The following HECW2 variants were observed in gnomAD, a reference collection of about 807,000 sequenced individuals.
HECW2 encodes E3 ubiquitin-protein ligase HECW2.
In HECW2, 61 loss-of-function variants were observed where a neutral mutation model predicts 175.2. The observed-to-expected ratio is 0.35, with a 90% CI of 0.28 to 0.43. HECW2 has a LOEUF of 0.43. Ranked by LOEUF, HECW2 falls within the 20% of genes least tolerant of loss-of-function variation. HECW2 has a pLI of 1.00. For synonymous variants in HECW2, 671 were observed against 731.0 expected (o/e 0.92, Z 1.32); for missense variants, 1,524 against 2,000.5 (o/e 0.76, Z 4.54).
At chr2:196,413,261 G>C (rs920889847) in intron 2 of HECW2, among the ~76,000 whole-genome samples, 6 of 152,136 alleles carry the variant, frequency 3.9e-5, no homozygotes, top group Non-Finnish European at 8.8e-5. Context: ...AAGCTGGCGT[G>C]GGAGGATCGC....
intron 16 of HECW2, among the ~76,000 whole-genome samples, chr2:196,272,573 A>G (rs1368474971): frequency 6.6e-6 from 1 of 152,228 alleles, no homozygotes; most frequent in East Asian, 1.9e-4. Context: ...CAAAAGAAGT[A>G]TAATAATTCT....
At chr2:196,373,721 T>C (rs1693968669) in intron 2 of HECW2, among the ~76,000 whole-genome samples, 1 of 151,348 alleles carries the variant, frequency 6.6e-6, no homozygotes, top group African/African-American at 2.5e-5. Context: ...TGATTATACA[T>C]GAAAAAAATT....
intron 2 of HECW2, among the ~76,000 whole-genome samples, chr2:196,378,157 TA>T (rs1295065911): frequency 6.6e-6 from 1 of 152,178 alleles, no homozygotes; most frequent in African/African-American, 2.4e-5. Flanking sequence ...GTCAGATTCC[TA>T]AGTTTAAATT....
Position 196,482,805 on chromosome 2 carries a change from C to G in HECW2, c.-35-49347G>C, listed in dbSNP as rs191112954. 3.5e-3 allele frequency among the ~76,000 whole-genome samples: 532 copies of G among 152,240 alleles called. 2 individuals are homozygous for G. The highest frequency in any genetic ancestry group is 0.012 in the African/African-American group (508 of 41,524). On this transcript the variant is annotated intron_variant, in intron 1 of 28. Coordinates refer to ENST00000644978, the MANE Select transcript of HECW2 (RefSeq NM_001348768.2). ...ATCACTAAGAATTCAAGATAGCAACCACAGAGCACTGAGCCCCAAATGCAG... is the reference window on the plus strand; with the variant it reads ...ATCACTAAGAATTCAAGATAGCAACGACAGAGCACTGAGCCCCAAATGCAG...
At chr2:196,527,081 C>T (rs1277533621) in intron 1 of HECW2, among the ~76,000 whole-genome samples, 5 of 152,252 alleles carry the variant, frequency 3.3e-5, no homozygotes, top group East Asian at 3.9e-4. Context: ...CCCAGCCTTG[C>T]TGCCGCCTTG....
chr2:196,526,751 T>C lies in HECW2; in HGVS notation c.-36+66757A>G, dbSNP rs1277250661. Among the ~76,000 whole-genome samples, 3 of 152,000 alleles carry C rather than the reference T, an allele frequency of 2.0e-5. No individual in the cohort carries two copies. The East Asian group carries it at 5.8e-4, about 29-fold the overall frequency. On this transcript the variant is annotated intron_variant, in intron 1 of 28. Coordinates refer to ENST00000644978, the MANE Select transcript of HECW2 (RefSeq NM_001348768.2). ...AATACCCTGCCCTGTGAGGTGTCAG[T>C]GTGCCCCTGCTGGGGGATGCCTCCC...
At chr2:196,332,795 G>T (rs2168370) in intron 4 of HECW2, among the ~76,000 whole-genome samples, 149,084 of 152,330 alleles carry the variant, frequency 0.98, 73,023 homozygotes, top group Middle Eastern at 1. Flanking sequence ...GTAACTTTCC[G>T]TTTTTAGAAT....
intron 3 of HECW2, among the ~76,000 whole-genome samples, chr2:196,342,096 AT>A (rs968835339): frequency 4.6e-5 from 7 of 151,056 alleles, no homozygotes; most frequent in South Asian, 2.1e-4. Flanking sequence ...TAAAAAGCCC[AT>A]TTTTTTTTCT....
At chr2:196,203,395 G>T (rs866585014) in intron 28 of HECW2, among the ~76,000 whole-genome samples, 2 of 152,136 alleles carry the variant, frequency 1.3e-5, no homozygotes, top group Admixed American at 6.5e-5. Context: ...TCTATCATCT[G>T]TGAAACACTG....
chr2:196,531,718 G>C (rs948124517), intron 1 of HECW2, among the ~76,000 whole-genome samples: 1 of 150,936 alleles, frequency 6.6e-6, no homozygotes, highest in African/African-American at 2.4e-5. Flanking sequence ...TTTTACTTCC[G>C]AGCCTTTGCA....
Position 196,292,721 on chromosome 2 carries a change from C to G in HECW2, c.2844G>C (p.Thr948=), listed in dbSNP as rs61744647. 1.1e-5 allele frequency: 18 copies of G among 1,613,276 alleles called. No homozygotes were observed. In the Admixed American group the frequency reaches 2.8e-4, roughly 25 times the overall value. Residue 948 remains threonine, a synonymous_variant, in exon 14 of 29, where the codon ACG becomes ACC. Transcript: ENST00000644978. ...CTTTGGTGATCATGTGCTTCAAACACGTGTTGTTTGTAAACATGCGGTAGG... is the reference window on the plus strand; with the variant it reads ...CTTTGGTGATCATGTGCTTCAAACAGGTGTTGTTTGTAAACATGCGGTAGG... ...PSAYRMFTNN[T]CLKHMITKVR...
intron 1 of HECW2, among the ~76,000 whole-genome samples, chr2:196,514,236 G>C (rs1305915938): frequency 6.6e-6 from 1 of 152,226 alleles, no homozygotes; most frequent in South Asian, 2.1e-4. Context: ...TCTGAGCACT[G>C]TCACAACCCA....
chr2:196,376,284 T>C lies in HECW2; in HGVS notation c.293-32520A>G, dbSNP rs547261831. 2.0e-5 allele frequency among the ~76,000 whole-genome samples: 3 copies of C among 152,292 alleles called. No homozygotes were observed. In the South Asian group the frequency reaches 6.2e-4, roughly 32 times the overall value. ...AGACAAAAAGCCACATCAAAAATAA[T>C]CTCATCATACTGAGAAGTAAAAAAC... On this transcript the variant is annotated intron_variant, in intron 2 of 28. Coordinates refer to ENST00000644978, the MANE Select transcript of HECW2 (RefSeq NM_001348768.2).
intron 2 of HECW2, among the ~76,000 whole-genome samples, chr2:196,396,261 A>G (rs1003428180): frequency 2.0e-5 from 3 of 152,250 alleles, no homozygotes; most frequent in Admixed American, 2.0e-4. Flanking sequence ...AAATGGAATA[A>G]AAAGTATACA....
intron 1 of HECW2, among the ~76,000 whole-genome samples, chr2:196,521,800 A>G (rs1688403264): frequency 6.7e-6 from 1 of 149,512 alleles, no homozygotes. Flanking sequence ...TGTCCCTACA[A>G]AGGACATGAA....
At chr2:196,331,200 A>T in intron 4 of HECW2, 1 of 985,282 alleles carries the variant, frequency 1.0e-6, no homozygotes, top group Middle Eastern at 5.2e-4. Flanking sequence ...TTTTCCTTCC[A>T]TCTATAGATC....
At chr2:196,463,616 C>T (rs745983104) in intron 1 of HECW2, among the ~76,000 whole-genome samples, 1 of 152,076 alleles carries the variant, frequency 6.6e-6, no homozygotes, top group Non-Finnish European at 1.5e-5. Flanking sequence ...TTGTTTTAAA[C>T]TTGCTTATAT....
intron 1 of HECW2, among the ~76,000 whole-genome samples, chr2:196,570,083 C>T (rs1184583432): frequency 1.3e-5 from 2 of 152,168 alleles, no homozygotes; most frequent in African/African-American, 2.4e-5. Context: ...TTTCAGAAGG[C>T]GGCACTGGCA....
chr2:196,265,136 T>C (rs1225629352), intron 17 of HECW2, among the ~76,000 whole-genome samples: 1 of 152,116 alleles, frequency 6.6e-6, no homozygotes. Context: ...ACGCTCCCTG[T>C]AGGAAACAAT....
Sources: gnomAD v4.1 joint callset for allele counts (sites outside exome capture counted in the v4.1 genomes callset) on GRCh38, gnomAD v4.1.1 for gene constraint, MANE v1.5 for transcripts, NCBI Gene and HGNC (gene_info 2026-07-23, HGNC 2026-07-21) for gene names.